Variants in DDAH1 observed in about 807,000 individuals in gnomAD.
The protein encoded by DDAH1 is dimethylarginine dimethylaminohydrolase 1, also known as N(G),N(G)-dimethylarginine dimethylaminohydrolase 1.
Under a neutral mutation model 28.8 loss-of-function variants are expected in DDAH1, and 19 were observed. The ratio of observed to expected loss-of-function variants is 0.66; its 90% CI spans 0.46 to 0.97. The LOEUF (loss-of-function observed/expected upper bound fraction) is 0.97. Among genes scored for constraint, DDAH1 ranks in the 50% least tolerant of loss-of-function variants. The pLI is 0.00. For missense variants in DDAH1, 326 were observed against 375.9 expected, an observed-to-expected ratio of 0.87 and a Z score of 1.10; for synonymous variants, 153 against 154.4, an observed-to-expected ratio of 0.99 and a Z score of 0.07.
At chr1:85,355,942 T>TAAAACAAAAAAACAAATAAAACTAAAAAA (rs1649467571) in intron 2 of DDAH1, among the ~76,000 whole-genome samples, 1 of 152,088 alleles carries the variant, frequency 6.6e-6, no homozygotes, top group South Asian at 2.1e-4. Flanking sequence ...CAAACAAAAC[T>TAAAACAAAAAAACAAATAAAACTAAAAAA]AAAACAACAT....
intron 1 of DDAH1, among the ~76,000 whole-genome samples, chr1:85,501,238 A>C (rs1418262379): frequency 6.6e-6 from 1 of 152,166 alleles, no homozygotes; most frequent in Non-Finnish European, 1.5e-5. Context: ...AGCTGTTTTT[A>C]AACTTTATTT....
intron 5 of DDAH1, among the ~76,000 whole-genome samples, chr1:85,323,799 C>T (rs370744490): frequency 6.6e-6 from 1 of 151,560 alleles, no homozygotes; most frequent in Non-Finnish European, 1.5e-5. Flanking sequence ...AAGGAGACCC[C>T]GTCTCTACAA....
intron 2 of DDAH1, among the ~76,000 whole-genome samples, chr1:85,476,610 G>T (rs1655812551): frequency 6.6e-6 from 1 of 152,084 alleles, no homozygotes; most frequent in African/African-American, 2.4e-5. Context: ...CAGGTGAGAA[G>T]TGGAAGCTGC....
chr1:85,400,811 G>T (rs1319093055), intron 1 of DDAH1, among the ~76,000 whole-genome samples: 5 of 152,120 alleles, frequency 3.3e-5, no homozygotes, highest in Non-Finnish European at 7.4e-5. Flanking sequence ...CTGTAACAGT[G>T]TGTAGACCAT....
intron 4 of DDAH1, among the ~76,000 whole-genome samples, chr1:85,346,102 C>T (rs891251440): frequency 7.2e-5 from 11 of 152,152 alleles, no homozygotes; most frequent in Admixed American, 4.6e-4. Flanking sequence ...ACCCAGAAAC[C>T]CTTGGGGCTC....
intron 1 of DDAH1, among the ~76,000 whole-genome samples, chr1:85,510,751 G>C (rs1657196214): frequency 6.6e-6 from 1 of 152,190 alleles, no homozygotes; most frequent in Non-Finnish European, 1.5e-5. Flanking sequence ...AAGAGACAAA[G>C]AAGGCCATTA....
intron 1 of DDAH1, among the ~76,000 whole-genome samples, chr1:85,422,822 G>A (rs1488450801): frequency 3.9e-5 from 6 of 152,134 alleles, no homozygotes; most frequent in Admixed American, 2.0e-4. Flanking sequence ...GACTCCAAAC[G>A]GCTTGCTTGT....
intron 3 of DDAH1, 46 bp downstream of exon 3, chr1:85,351,460 T>C (rs1454804679): frequency 1.1e-5 from 16 of 1,435,206 alleles, no homozygotes; most frequent in Non-Finnish European, 1.5e-5. Context: ...TATGATTATT[T>C]ATTAAGTAAT....
chr1:85,415,526 T>C lies in DDAH1; in HGVS notation c.303+49217A>G. On this transcript the variant is annotated intron_variant, in intron 1 of 5. Coordinates refer to ENST00000284031, the MANE Select transcript of DDAH1 (RefSeq NM_012137.4). ...TATTAATAGCAAGAAACAATCCAAATATAAATCAGCAGAAAAAACTGAATA... is the reference window on the plus strand; with the variant it reads ...TATTAATAGCAAGAAACAATCCAAACATAAATCAGCAGAAAAAACTGAATA... 1.3e-5 allele frequency among the ~76,000 whole-genome samples: 2 copies of C among 152,228 alleles called. 1 individual carries two copies. The highest frequency in any genetic ancestry group is 3.9e-4 in the East Asian group (2 of 5,180).
chr1:85,513,232 C>G (rs1041094128), intron 1 of DDAH1, among the ~76,000 whole-genome samples: 8 of 151,982 alleles, frequency 5.3e-5, no homozygotes, highest in African/African-American at 9.7e-5. Context: ...ACAAACCTGA[C>G]AAAAAGAAGA....
chr1:85,466,931 G>C (rs563655873), upstream of DDAH1, among the ~76,000 whole-genome samples: 6 of 131,422 alleles, frequency 4.6e-5, no homozygotes, highest in African/African-American at 1.7e-4. Flanking sequence ...TCTGCAACCG[G>C]GGTTCAAGTG....
At chr1:85,412,933 C>T (rs950978195) in intron 1 of DDAH1, among the ~76,000 whole-genome samples, 11 of 152,094 alleles carry the variant, frequency 7.2e-5, no homozygotes, top group Non-Finnish European at 1.5e-4. Flanking sequence ...CCTAGCAGGT[C>T]GAGGTATCAG....
intron 1 of DDAH1, among the ~76,000 whole-genome samples, chr1:85,516,259 A>G (rs1182731668): frequency 1.3e-5 from 2 of 151,814 alleles, no homozygotes; most frequent in African/African-American, 4.8e-5. Context: ...GAACAGATAC[A>G]TACTTGAGAA....
At chr1:85,440,941 G>A (rs1224245705) in intron 1 of DDAH1, among the ~76,000 whole-genome samples, 1 of 152,206 alleles carries the variant, frequency 6.6e-6, no homozygotes, top group Admixed American at 6.5e-5. Context: ...GAGAAAGAGG[G>A]CAAGTACAAA....
intron 2 of DDAH1, among the ~76,000 whole-genome samples, chr1:85,491,194 G>A (rs1003440298): frequency 1.3e-5 from 2 of 152,058 alleles, no homozygotes; most frequent in Admixed American, 1.3e-4. Context: ...CTTCAAGTGT[G>A]TGCCATCATG....
intron 1 of DDAH1, among the ~76,000 whole-genome samples, chr1:85,457,222 T>A (rs1056756470): frequency 2.0e-5 from 3 of 152,182 alleles, no homozygotes; most frequent in Non-Finnish European, 4.4e-5. Context: ...ATAAAATTAA[T>A]CTTCACTGGA....
At chr1:85,424,319 A>G (rs1557612818) in intron 1 of DDAH1, among the ~76,000 whole-genome samples, 1 of 152,128 alleles carries the variant, frequency 6.6e-6, no homozygotes, top group Non-Finnish European at 1.5e-5. Flanking sequence ...TAATTTAGCA[A>G]TAAGGTAAAC....
chr1:85,533,472 C>T (rs1570650313), intron 1 of DDAH1, among the ~76,000 whole-genome samples: 1 of 152,152 alleles, frequency 6.6e-6, no homozygotes, highest in Middle Eastern at 3.4e-3. Context: ...ATTATAAAAT[C>T]TAAAGTAACT....
Position 85,464,580 on chromosome 1 carries a change from T to G in DDAH1, c.303+163A>C. The G allele has an allele frequency of 6.7e-7, 1 of 1,500,322 alleles. No individual in the cohort carries two copies. Among genetic ancestry groups the G allele is most frequent in the South Asian group, 1.2e-5 (1 of 81,430 alleles). The allele number at this position is 1,500,322 out of a possible 1,614,324, so 92.9% of individuals were successfully genotyped here. On this transcript the variant is annotated intron_variant, in intron 1 of 5. Transcript: ENST00000284031. The surrounding 1 kb of genome is among the most constrained non-coding windows in gnomAD (Gnocchi z 4.4). Reference sequence around the variant, plus strand: ...GAGGTGTGAACAATGAACTTCTCTCTGACTCTCTGACACACACACACACAC... The same window carrying G: ...GAGGTGTGAACAATGAACTTCTCTCGGACTCTCTGACACACACACACACAC...
Sources: gnomAD v4.1 joint callset for allele counts (sites outside exome capture counted in the v4.1 genomes callset) on GRCh38, gnomAD v4.1.1 for gene constraint, Gnocchi (gnomAD v3.1) non-coding constraint, MANE v1.5 for transcripts, NCBI Gene and HGNC (gene_info 2026-07-23, HGNC 2026-07-21) for gene names.